PLAT: variants seen among roughly 807,000 people sequenced by gnomAD.
The protein encoded by PLAT is tissue-type plasminogen activator.
Under a neutral mutation model 74.9 loss-of-function variants are expected in PLAT, and 48 were observed. The ratio of observed to expected loss-of-function variants is 0.64; its 90% CI spans 0.51 to 0.82. The LOEUF is 0.82. Among genes scored for constraint, PLAT ranks in the 40% least tolerant of loss-of-function variants. The pLI, the probability that PLAT is intolerant of heterozygous loss-of-function variation, is 0.00. For missense variants in PLAT, 673 were observed against 736.2 expected, an observed-to-expected ratio of 0.91 and a Z score of 0.99; for synonymous variants, 307 against 294.4, an observed-to-expected ratio of 1.04 and a Z score of -0.44.
intron 7 of PLAT, 82 bp from the exon 8 acceptor site, chr8:42,182,972 C>T (rs1805311013): frequency 1.7e-6 from 2 of 1,161,914 alleles, no homozygotes; most frequent in Admixed American, 2.1e-5. Flanking sequence ...AGCGGAGCTG[C>T]CGGTCGAGGA....
intron 7 of PLAT, among the ~76,000 whole-genome samples, chr8:42,184,514 C>T (rs989981608): frequency 4.6e-5 from 7 of 152,024 alleles, no homozygotes; most frequent in East Asian, 1.9e-4. Context: ...TGCCTGCCAC[C>T]GTATCCGGCT....
At chr8:42,179,659 C>A (rs1805130863) in intron 12 of PLAT, among the ~76,000 whole-genome samples, 1 of 152,182 alleles carries the variant, frequency 6.6e-6, no homozygotes, top group Admixed American at 6.5e-5. Flanking sequence ...ACACGCTTAG[C>A]GACTGTACTC....
chr8:42,178,823 T>C, intron 13 of PLAT, 74 bp downstream of exon 13: 4 of 1,418,936 alleles, frequency 2.8e-6, no homozygotes, highest in Non-Finnish European at 3.9e-6. Flanking sequence ...CTTTTTTCTT[T>C]GGTGAAGAAC....
intron 8 of PLAT, chr8:42,182,240 C>G (rs1362188478): frequency 2.2e-6 from 1 of 454,366 alleles, no homozygotes; most frequent in Non-Finnish European, 4.0e-6. Context: ...ACATCACAGG[C>G]CATGTAAGAG....
chr8:42,204,753 G>A (rs967212049), intron 1 of PLAT, among the ~76,000 whole-genome samples: 1 of 151,816 alleles, frequency 6.6e-6, no homozygotes, highest in Non-Finnish European at 1.5e-5. Flanking sequence ...GCCGGGCATG[G>A]TGGCTCATGC....
intron 1 of PLAT, among the ~76,000 whole-genome samples, chr8:42,205,322 T>C (rs1440339924): frequency 6.6e-6 from 1 of 151,786 alleles, no homozygotes; most frequent in Non-Finnish European, 1.5e-5. Context: ...AGGTCACGAG[T>C]TCAAGACCAG....
intron 7 of PLAT, among the ~76,000 whole-genome samples, chr8:42,184,025 C>T (rs1805350207): frequency 6.6e-6 from 1 of 152,034 alleles, no homozygotes; most frequent in South Asian, 2.1e-4. Flanking sequence ...ACTGTGGCCT[C>T]AACCTCCTGG....
rs1805322453 is a variant in PLAT, at chr8:42,183,233, C to A, written c.632-343G>T. ...GGCCAGGCTGGTCTTGAACTCCTAA[C>A]ATCAGGTGATCTGCCCGCCTCAGCC... On this transcript the variant is annotated intron_variant, in intron 7 of 13. Coordinates refer to ENST00000220809, the MANE Select transcript of PLAT (RefSeq NM_000930.5). Among the ~76,000 whole-genome samples the A allele has an allele frequency of 2.0e-5, 3 of 152,286 alleles. No homozygotes were observed. In the South Asian group the frequency reaches 6.2e-4, roughly 32 times the overall value.
intron 9 of PLAT, among the ~76,000 whole-genome samples, chr8:42,181,572 CAAATGTGGTGAAGGCACTTT>C (rs1805240730): frequency 6.6e-6 from 1 of 152,156 alleles, no homozygotes; most frequent in East Asian, 1.9e-4. Context: ...CGCTGTTGGA[CAAATGTGGTGAAGGCACTTT>C]ATTATCTAAG....
chr8:42,192,697 C>T (rs1587938838), intron 2 of PLAT, among the ~76,000 whole-genome samples: 1 of 152,140 alleles, frequency 6.6e-6, no homozygotes, highest in Non-Finnish European at 1.5e-5. Flanking sequence ...GCAAACTCTA[C>T]ACCATTCTAT....
chr8:42,182,474 A>G, intron 8 of PLAT: 1 of 377,724 alleles, frequency 2.6e-6, no homozygotes, highest in East Asian at 4.7e-5. Flanking sequence ...TCAGGAGAAC[A>G]GCTGAGGACT....
intron 1 of PLAT, among the ~76,000 whole-genome samples, chr8:42,196,404 G>A (rs998068430): frequency 1.3e-5 from 2 of 152,190 alleles, no homozygotes; most frequent in African/African-American, 4.8e-5. Flanking sequence ...AGCTCTGTCC[G>A]CATCACACAG....
intron 3 of PLAT, among the ~76,000 whole-genome samples, chr8:42,191,141 G>C (rs8178734): frequency 0.012 from 1,861 of 152,226 alleles, 29 homozygotes; most frequent in South Asian, 0.056. Context: ...TGGCTCCTTG[G>C]GGGGGAACAC....
At position 42,180,254 on chromosome 8, in the gene PLAT, C is replaced by A; in HGVS notation, c.1210G>T (p.Asp404Tyr). 1.2e-6 allele frequency: 2 copies of A among 1,614,158 alleles called. No individual in the cohort carries two copies. The highest frequency in any genetic ancestry group is 1.7e-6 in the Non-Finnish European group (2 of 1,180,006). ...GACGAGCTCTTACCAATGTCATTGT[C>A]GTAAGTGTCATCATCGAATTCCTTA... ...VHKEFDDDTYDNDIALLQLKS... is the reference protein window; with the variant it reads ...VHKEFDDDTYYNDIALLQLKS... Residue 404 changes from aspartate (D) to tyrosine (Y), a missense_variant, in exon 11 of 14, where the codon GAC becomes TAC. Coordinates refer to ENST00000220809, the MANE Select transcript of PLAT (RefSeq NM_000930.5).
chr8:42,197,642 A>G (rs935799941), intron 1 of PLAT, among the ~76,000 whole-genome samples: 2 of 152,154 alleles, frequency 1.3e-5, no homozygotes, highest in African/African-American at 4.8e-5. Context: ...GCCCCTGGAA[A>G]GGAGGAGGCC....
intron 6 of PLAT, chr8:42,187,157 G>A (rs573249178): frequency 2.2e-4 from 89 of 400,982 alleles, no homozygotes; most frequent in East Asian, 5.8e-4. Context: ...TCCATCTACC[G>A]TCTATTTATC....
At position 42,193,134 on chromosome 8, in the gene PLAT, C is replaced by G. The variant is rs1489185170; in HGVS notation, c.52G>C (p.Val18Leu). ...CCAACCTGGCTGGGCGAAACGAAGA[C>G]TGCTCCACACAGCAGCAGCACACAG... ...LCCVLLLCGA[V>L]FVSPSQEIHA... The change falls in exon 2 of 14, where the codon GTC (valine) becomes CTC (leucine). Residue 18 changes from valine (V) to leucine (L), a missense_variant. Transcript: ENST00000220809. 2 of 1,613,548 alleles carry G rather than the reference C, an allele frequency of 1.2e-6. No homozygotes were observed. The highest frequency in any genetic ancestry group is 1.7e-6 in the Non-Finnish European group (2 of 1,179,568).
In PLAT at chr8:42,188,812, A is replaced by G. The variant is rs1738848655; in HGVS notation, c.253+122T>C. The G allele has an allele frequency of 3.9e-6, 3 of 772,650 alleles. No individual in the cohort carries two copies. The African/African-American group carries it at 5.1e-5, about 13-fold the overall frequency. The allele number at this position is 772,650 out of a possible 1,614,324, so 47.9% of individuals were successfully genotyped here. A position where few individuals can be genotyped will look rare whatever the true frequency, so the allele number is the denominator to read the frequency against. ...TAATTTTTTTATTTTTTGTAGAGAC[A>G]GGGGACTTGCTATGTTTGCCCAGAT... On this transcript the variant is annotated intron_variant, in intron 4 of 13. Coordinates refer to ENST00000220809, the MANE Select transcript of PLAT (RefSeq NM_000930.5).
At chr8:42,205,215 C>T (rs2129836634) in intron 1 of PLAT, among the ~76,000 whole-genome samples, 1 of 152,222 alleles carries the variant, frequency 6.6e-6, no homozygotes, top group African/African-American at 2.4e-5. Context: ...GCTTCCTCTG[C>T]CCTATTGTTT....
Sources: allele counts gnomAD v4.1 joint callset (sites outside exome capture counted in the v4.1 genomes callset), GRCh38; gene constraint gnomAD v4.1.1; transcripts MANE v1.5; gene names NCBI Gene and HGNC (gene_info 2026-07-23, HGNC 2026-07-21).